The following PAX7 variants were observed in gnomAD, a reference collection of about 807,000 sequenced individuals.
PAX7 encodes paired box 7.
In PAX7, 18 loss-of-function variants were observed where a neutral mutation model predicts 50.7. That is an observed-to-expected ratio of 0.36 (90% CI 0.25 to 0.53). The LOEUF (loss-of-function observed/expected upper bound fraction) is 0.53. Ranked by LOEUF, PAX7 falls within the 20% of genes least tolerant of loss-of-function variation. The probability of loss-of-function intolerance (pLI) is 0.93; values close to 1 mark genes in which losing one functional copy is unlikely to be tolerated. For missense variants in PAX7, 644 were observed against 702.9 expected (o/e 0.92, Z 0.95); for synonymous variants, 310 against 290.4 (o/e 1.07, Z -0.69).
intron 7 of PAX7, among the ~76,000 whole-genome samples, chr1:18,704,304 A>G (rs1271329422): frequency 6.6e-6 from 1 of 152,192 alleles, no homozygotes; most frequent in Non-Finnish European, 1.5e-5. Context: ...TTGCCACCAC[A>G]GCAGAATTGA....
At position 18,635,768 on chromosome 1, in the gene PAX7, C is replaced by T. The variant is rs971118295; in HGVS notation, c.452-469C>T. ...CATTTGAGTCCTAAATTTGGAGGTC[C>T]CAAACCATACTGCCTGTGAGAGAGA... On this transcript the variant is annotated intron_variant, in intron 3 of 8. Transcript: ENST00000420770. 3.9e-5 allele frequency among the ~76,000 whole-genome samples: 6 copies of T among 152,136 alleles called. No individual in the cohort carries two copies. In the South Asian group the frequency reaches 1.2e-3, roughly 32 times the overall value.
At chr1:18,640,094 G>T (rs927141971) in intron 4 of PAX7, among the ~76,000 whole-genome samples, 2 of 152,096 alleles carry the variant, frequency 1.3e-5, no homozygotes, top group South Asian at 2.1e-4. Flanking sequence ...CGAGGACGGC[G>T]AGTGAGGCAG....
At chr1:18,637,170 A>G (rs953786396) in intron 4 of PAX7, among the ~76,000 whole-genome samples, 2 of 152,172 alleles carry the variant, frequency 1.3e-5, no homozygotes, top group Admixed American at 1.3e-4. Context: ...TTAGTTTTCA[A>G]GCGCCCGGAA....
At chr1:18,665,628 C>T (rs1205374036) in intron 4 of PAX7, among the ~76,000 whole-genome samples, 1 of 151,544 alleles carries the variant, frequency 6.6e-6, no homozygotes, top group Non-Finnish European at 1.5e-5. Flanking sequence ...CTGCCTCACC[C>T]TCCCAAAGTG....
At chr1:18,677,257 A>AG (rs1557524357) in intron 4 of PAX7, among the ~76,000 whole-genome samples, 5 of 151,850 alleles carry the variant, frequency 3.3e-5, no homozygotes, top group Admixed American at 2.0e-4. Flanking sequence ...CTTGTTTCTA[A>AG]GGGGGGCGGC....
In PAX7 at chr1:18,635,212, G is replaced by C; in HGVS notation, c.423G>C (p.Gly141=). The C allele has an allele frequency of 6.2e-7, 1 of 1,613,846 alleles. No individual in the cohort carries two copies. The highest frequency in any genetic ancestry group is 1.1e-5 in the South Asian group (1 of 91,048). The change falls in exon 3 of 9, where the codon GGG becomes GGC. Residue 141 remains glycine, a synonymous_variant. Coordinates refer to ENST00000420770, the MANE Select transcript of PAX7 (RefSeq NM_001135254.2). ...TCCGGGACAGGCTGCTGAAGGATGG[G>C]CACTGTGACCGAAGCACTGTGCCCT... is the stretch of plus-strand genomic sequence containing the variant. The part of the protein sequence containing the change: ...WEIRDRLLKD[G]HCDRSTVPSG...
chr1:18,707,878 A>G (rs2089304165), intron 7 of PAX7, among the ~76,000 whole-genome samples: 1 of 152,068 alleles, frequency 6.6e-6, no homozygotes, highest in Non-Finnish European at 1.5e-5. Flanking sequence ...TGGTGGAGGA[A>G]ATAGCTCATT....
chr1:18,659,432 T>C (rs757820588), intron 4 of PAX7, among the ~76,000 whole-genome samples: 1 of 152,102 alleles, frequency 6.6e-6, no homozygotes, highest in Non-Finnish European at 1.5e-5. Context: ...CAATCCCACA[T>C]CTGTCTTAAT....
intron 4 of PAX7, among the ~76,000 whole-genome samples, chr1:18,669,548 G>A (rs747509504): frequency 5.3e-5 from 8 of 152,278 alleles, no homozygotes; most frequent in African/African-American, 1.9e-4. Context: ...AAGACAATGA[G>A]TTGGGACTAG....
chr1:18,690,780 C>T (rs770157268), intron 4 of PAX7, among the ~76,000 whole-genome samples: 11 of 152,234 alleles, frequency 7.2e-5, no homozygotes, highest in Non-Finnish European at 1.3e-4. Context: ...GAGGTCTCCT[C>T]TAGCCTGGGG....
intron 4 of PAX7, among the ~76,000 whole-genome samples, chr1:18,641,056 A>G (rs1425715274): frequency 1.3e-5 from 2 of 152,268 alleles, no homozygotes; most frequent in East Asian, 1.9e-4. Context: ...GGAGATAACT[A>G]TTACAAAGGC....
At chr1:18,665,688 T>TTTTTTA (rs2088658852) in intron 4 of PAX7, among the ~76,000 whole-genome samples, 1 of 144,430 alleles carries the variant, frequency 6.9e-6, no homozygotes, top group Admixed American at 7.1e-5. Flanking sequence ...TTTTTTTTTT[T>TTTTTTA]GAAACAGAGT....
At chr1:18,643,240 T>G (rs1055663303) in intron 4 of PAX7, among the ~76,000 whole-genome samples, 1 of 152,074 alleles carries the variant, frequency 6.6e-6, no homozygotes, top group South Asian at 2.1e-4. Context: ...GAGCTCTGCG[T>G]GTCGGCTGCC....
chr1:18,713,920 C>T (rs1257138255), intron 7 of PAX7, among the ~76,000 whole-genome samples: 1 of 152,188 alleles, frequency 6.6e-6, no homozygotes, highest in African/African-American at 2.4e-5. Flanking sequence ...CTCAAATGCT[C>T]ACGTGCTCAG....
intron 1 of PAX7, among the ~76,000 whole-genome samples, chr1:18,633,650 G>A (rs1324074640): frequency 6.6e-6 from 1 of 152,204 alleles, no homozygotes; most frequent in Non-Finnish European, 1.5e-5. Flanking sequence ...GGACAACCAG[G>A]TGCCCTTGGA....
chr1:18,711,788 G>A (rs186111644), intron 7 of PAX7, among the ~76,000 whole-genome samples: 5 of 152,252 alleles, frequency 3.3e-5, no homozygotes, highest in East Asian at 1.9e-4. Context: ...TGACCAGTGC[G>A]GTTGGTACAG....
In PAX7 at chr1:18,744,663, T is replaced by C. The variant is rs1002264160; in HGVS notation, c.1403-151T>C. 8.4e-4 allele frequency: 476 copies of C among 565,784 alleles called. 1 individual carries two copies. The African/African-American group carries it at 0.014, about 16-fold the overall frequency. 35.0% of individuals were successfully genotyped at this position (565,784 alleles called of 1,614,324 possible). On this transcript the variant is annotated intron_variant, in intron 8 of 8. Coordinates refer to ENST00000420770, the MANE Select transcript of PAX7 (RefSeq NM_001135254.2). ...AGAATGGATGAGTAGACAGGACGGATGGATGGATGGATGGATGGATGGATA... is the reference window on the plus strand; with the variant it reads ...AGAATGGATGAGTAGACAGGACGGACGGATGGATGGATGGATGGATGGATA...
intron 1 of PAX7, among the ~76,000 whole-genome samples, chr1:18,633,343 TC>T (rs200077087): frequency 0.022 from 3,336 of 152,132 alleles, 57 homozygotes; most frequent in Non-Finnish European, 0.035. Context: ...GCGCTGGGTG[TC>T]CCCCCAATCT....
intron 4 of PAX7, among the ~76,000 whole-genome samples, chr1:18,689,943 C>A (rs552381661): frequency 1.3e-5 from 2 of 152,244 alleles, no homozygotes; most frequent in East Asian, 3.9e-4. Context: ...ACACTTGAAG[C>A]GATTGGGAGG....
Sources: allele counts gnomAD v4.1 joint callset (sites outside exome capture counted in the v4.1 genomes callset), GRCh38; gene constraint gnomAD v4.1.1; transcripts MANE v1.5; gene names NCBI Gene and HGNC (gene_info 2026-07-23, HGNC 2026-07-21).